The following DENND1A variants were observed in gnomAD, a reference collection of about 807,000 sequenced individuals.
The protein encoded by DENND1A is DENN domain-containing protein 1A.
DENND1A carries 51 observed loss-of-function variants against 113.7 expected under a neutral mutation model. The ratio of observed to expected loss-of-function variants is 0.45; its 90% CI spans 0.36 to 0.57. DENND1A has a LOEUF of 0.57. DENND1A is among the 20% of genes least tolerant of loss of function. The pLI, the probability that DENND1A is intolerant of heterozygous loss-of-function variation, is 0.00. For synonymous variants in DENND1A, 565 were observed against 570.8 expected, an observed-to-expected ratio of 0.99 and a Z score of 0.14; for missense variants, 1,258 against 1,395.9, an observed-to-expected ratio of 0.90 and a Z score of 1.57.
rs149485799 is a variant in DENND1A at position 123,466,969 on chromosome 9, C to T, written c.994-9072G>A. On this transcript the variant is annotated intron_variant, in intron 13 of 23. Coordinates refer to ENST00000394215, the MANE Select transcript of DENND1A (RefSeq NM_001352964.2). ...AGGACGCTGAGGCAGGAAGAAGTCT[C>T]GAGCCCAGGGCGTCAAGCCTGCAGT... is the stretch of plus-strand genomic sequence containing the variant. 1.7e-3 allele frequency among the ~76,000 whole-genome samples: 254 copies of T among 151,832 alleles called. 1 individual carries two copies. The highest frequency in any genetic ancestry group is 3.2e-3 in the Non-Finnish European group (218 of 67,952).
intron 2 of DENND1A, among the ~76,000 whole-genome samples, chr9:123,800,045 C>T (rs943102763): frequency 1.3e-5 from 2 of 152,206 alleles, no homozygotes; most frequent in Non-Finnish European, 1.5e-5. Flanking sequence ...TTTCCCATTG[C>T]CTTCTACTGC....
chr9:123,386,378 TTTC>T (rs1254693511), intron 22 of DENND1A, among the ~76,000 whole-genome samples: 1 of 67,594 alleles, frequency 1.5e-5, no homozygotes. Flanking sequence ...CTTTCTTTTC[TTTC>T]TTTTTTTTTT....
chr9:123,850,458 C>T (rs760125763), intron 2 of DENND1A, among the ~76,000 whole-genome samples: 12 of 152,190 alleles, frequency 7.9e-5, no homozygotes, highest in Admixed American at 2.6e-4. Context: ...AGAGTATAAA[C>T]ATAACTTTAC....
chr9:123,875,915 T>C (rs975555321), intron 2 of DENND1A, among the ~76,000 whole-genome samples: 2 of 152,226 alleles, frequency 1.3e-5, no homozygotes, highest in Non-Finnish European at 1.5e-5. Context: ...GGGGTCCCTC[T>C]TGCCAGGACC....
chr9:123,782,445 AAAGATTACAGTGTG>A (rs1831466654), intron 3 of DENND1A, among the ~76,000 whole-genome samples: 1 of 152,242 alleles, frequency 6.6e-6, no homozygotes, highest in African/African-American at 2.4e-5. Flanking sequence ...TTCTGAGCCC[AAAGATTACAGTGTG>A]AAGACTATTC....
At position 123,403,409 on chromosome 9, in the gene DENND1A, G is replaced by C; in HGVS notation, c.1624C>G (p.Pro542Ala). The C allele has an allele frequency of 6.2e-7, 1 of 1,614,096 alleles. No homozygotes were observed. The highest frequency in any genetic ancestry group is 8.5e-7 in the Non-Finnish European group (1 of 1,179,988). The change falls in exon 21 of 24, where the codon CCT becomes GCT. Residue 542 changes from proline (P) to alanine (A), a missense_variant. By Grantham distance (27) the Pro-to-Ala change is conservative (BLOSUM62 -1). This residue lies in a region of DENND1A where 1,159 missense variants were observed against 1,231.7 expected (regional missense o/e 0.94). Transcript: ENST00000394215. Reference protein sequence around the residue: ...VEGRRTSVPSPEHLVKPLRHY... With the variant: ...VEGRRTSVPSAEHLVKPLRHY... The stretch of plus-strand genomic sequence containing the variant: ...GAGAGGCACAATACTCACTGCTCAG[G>C]GCTCGGCACAGACGTCCTCCGGCCT...
rs1276168217 is a variant in DENND1A at position 123,382,513 on chromosome 9, C to T, written c.2132G>A (p.Ser711Asn). 5 of 1,613,934 alleles carry T rather than the reference C, an allele frequency of 3.1e-6. No homozygotes were observed. The highest frequency in any genetic ancestry group is 4.2e-6 in the Non-Finnish European group (5 of 1,179,976). The change falls in exon 24 of 24, where the codon AGC becomes AAC. Residue 711 changes from serine to asparagine, a missense_variant. Coordinates refer to ENST00000394215, the MANE Select transcript of DENND1A (RefSeq NM_001352964.2). ...CTCAGGGGAGGCAGCTGGGGGCTTGCTGGGGATGGCCATGTCGTCCTGGCC... is the reference window on the plus strand; with the variant it reads ...CTCAGGGGAGGCAGCTGGGGGCTTGTTGGGGATGGCCATGTCGTCCTGGCC... ...SLGQDDMAIP[S>N]KPPAASPEKP...
In DENND1A at chr9:123,901,299, G is replaced by C. The variant is rs117431298; in HGVS notation, c.18-22278C>G. ...CAAGGGAACATCAGCGGAGAGATGA[G>C]TGCATGAAGCAACAAGGCTAGATAT... On this transcript the variant is annotated intron_variant, in intron 1 of 23. Coordinates refer to ENST00000394215, the MANE Select transcript of DENND1A (RefSeq NM_001352964.2). 8.3e-4 allele frequency among the ~76,000 whole-genome samples: 127 copies of C among 152,274 alleles called. 1 individual carries two copies. The East Asian group carries it at 0.02, about 24-fold the overall frequency.
chr9:123,797,415 T>G (rs1833947881), intron 2 of DENND1A, among the ~76,000 whole-genome samples: 1 of 152,152 alleles, frequency 6.6e-6, no homozygotes, highest in Non-Finnish European at 1.5e-5. Flanking sequence ...CAGAAAATAG[T>G]CTAAGAAGTT....
intron 13 of DENND1A, chr9:123,485,656 GCACACACACA>G (rs77062893): frequency 0.57 from 80,760 of 141,354 alleles, 23,928 homozygotes; most frequent in Non-Finnish European, 0.67. Context: ...GCGCGCGCGC[GCACACACACA>G]CACACACACA....
At chr9:123,587,274 G>C (rs571070672) in intron 11 of DENND1A, among the ~76,000 whole-genome samples, 2 of 152,142 alleles carry the variant, frequency 1.3e-5, no homozygotes, top group Non-Finnish European at 2.9e-5. Context: ...TCAGTATATA[G>C]AGTACACAGA....
At position 123,723,053 on chromosome 9, in the gene DENND1A, G is replaced by C. The variant is rs529412627; in HGVS notation, c.302+34650C>G. On this transcript the variant is annotated intron_variant, in intron 5 of 23. Transcript: ENST00000394215. ...GTGGCTGTACCCTGCAAAGCCACAGGGGCAGAGCTGCCCAAGACCATGGGA... is the reference window on the plus strand; with the variant it reads ...GTGGCTGTACCCTGCAAAGCCACAGCGGCAGAGCTGCCCAAGACCATGGGA... 4.5e-4 allele frequency among the ~76,000 whole-genome samples: 69 copies of C among 152,352 alleles called. 1 individual carries two copies. Among genetic ancestry groups the C allele is most frequent in the Non-Finnish European group, 8.2e-4 (56 of 68,034 alleles).
chr9:123,792,583 G>A lies in DENND1A; in HGVS notation c.132+4C>T, dbSNP rs893247875. 8.7e-6 allele frequency: 14 copies of A among 1,611,370 alleles called. No homozygotes were observed. The highest frequency in any genetic ancestry group is 1.6e-4 in the Middle Eastern group (1 of 6,076). On this transcript the variant is annotated splice_donor_region_variant and intron_variant, in intron 3 of 23. Transcript: ENST00000394215. The stretch of plus-strand genomic sequence containing the variant: ...ATGTAAAAAATTAATTACGCATTCC[G>A]AACCTGGTCACTGTAGTCCTCCGGG...
chr9:123,758,753 A>G (rs1301071429), intron 4 of DENND1A, among the ~76,000 whole-genome samples: 1 of 152,156 alleles, frequency 6.6e-6, no homozygotes, highest in Non-Finnish European at 1.5e-5. Flanking sequence ...TAAAATATCT[A>G]TTTTTAAAAA....
intron 13 of DENND1A, among the ~76,000 whole-genome samples, chr9:123,463,438 A>C (rs1488689430): frequency 6.6e-6 from 1 of 152,216 alleles, no homozygotes; most frequent in Non-Finnish European, 1.5e-5. Context: ...ATTGGCATAA[A>C]AATAAAATCT....
At chr9:123,890,504 T>C (rs534341843) in intron 1 of DENND1A, among the ~76,000 whole-genome samples, 1 of 152,338 alleles carries the variant, frequency 6.6e-6, no homozygotes, top group Admixed American at 6.5e-5. Flanking sequence ...GGGAAGGTTA[T>C]TTCCATTACC....
At chr9:123,558,280 C>G (rs577100110) in intron 12 of DENND1A, among the ~76,000 whole-genome samples, 3 of 152,222 alleles carry the variant, frequency 2.0e-5, no homozygotes, top group African/African-American at 7.2e-5. Flanking sequence ...TAGTCTGGGC[C>G]CAAACTCAGA....
intron 19 of DENND1A, chr9:123,439,932 T>G (rs528916342): frequency 2.6e-5 from 4 of 152,566 alleles, no homozygotes; most frequent in African/African-American, 9.6e-5. Flanking sequence ...CTCCTGATAT[T>G]GATTTTCAGG....
chr9:123,817,354 G>A (rs1837667759), intron 2 of DENND1A, among the ~76,000 whole-genome samples: 1 of 152,100 alleles, frequency 6.6e-6, no homozygotes, highest in South Asian at 2.1e-4. Context: ...AAATGTGTTG[G>A]TCCACACGCC....
Sources: allele counts gnomAD v4.1 joint callset (sites outside exome capture counted in the v4.1 genomes callset), GRCh38; gene constraint gnomAD v4.1.1; regional missense constraint gnomAD v4.1.1; transcripts MANE v1.5; gene names NCBI Gene and HGNC (gene_info 2026-07-23, HGNC 2026-07-21).